The following NBEAL2 variants were observed in gnomAD, a reference collection of about 807,000 sequenced individuals.
NBEAL2 encodes neurobeachin like 2.
In NBEAL2, 160 loss-of-function variants were observed where a neutral mutation model predicts 299.8. That is an observed-to-expected ratio of 0.53 (90% CI 0.47 to 0.61). NBEAL2 has a LOEUF of 0.61. Ranked by LOEUF, NBEAL2 falls within the 20% of genes least tolerant of loss-of-function variation. The pLI, the probability that NBEAL2 is intolerant of heterozygous loss-of-function variation, is 0.00. For synonymous variants in NBEAL2, 1,493 were observed against 1,542.3 expected, an observed-to-expected ratio of 0.97 and a Z score of 0.75; for missense variants, 3,112 against 3,649.0, an observed-to-expected ratio of 0.85 and a Z score of 3.79.
In NBEAL2 at chr3:47,001,315, C is replaced by A; in HGVS notation, c.4521C>A (p.Asp1507Glu). The change falls in exon 29 of 54, where the codon GAC becomes GAA. Residue 1507 changes from aspartate (D) to glutamate (E), a missense_variant. Transcript: ENST00000450053. The surrounding 1 kb of genome is among the most constrained non-coding windows in gnomAD (Gnocchi z 6.1). ...TGATGCTGGAGTCAGCCCTGACCGA[C>A]ATCAAAGAGGCCCCCGTGGGGGTCC... ...LEMMLESALT[D>E]IKEAPVGVLA... is the part of the protein sequence containing the mutation. The A allele has an allele frequency of 1.2e-6, 2 of 1,612,870 alleles. No homozygotes were observed. The highest frequency in any genetic ancestry group is 1.7e-6 in the Non-Finnish European group (2 of 1,179,320).
intron 42 of NBEAL2, 47 bp from the exon 43 acceptor site, chr3:47,005,899 T>TG (rs766883975): frequency 1.6e-5 from 26 of 1,612,288 alleles, no homozygotes; most frequent in Admixed American, 5.0e-5. Flanking sequence ...CTGAAGATCA[T>TG]GGGGGGTCAG....
At position 47,007,175 on chromosome 3, in the gene NBEAL2, C is replaced by A. The variant is rs775648083; in HGVS notation, c.7224+20C>A. ...CTGTTGGTAAGTGCATTGTGCAGAG[C>A]CCCAGCTCAGCTCCACTCCCCCTTG... is the stretch of plus-strand genomic sequence containing the variant. On this transcript the variant is annotated intron_variant, in intron 46 of 53. Transcript: ENST00000450053. 10 of 1,612,236 alleles carry A rather than the reference C, an allele frequency of 6.2e-6. No individual in the cohort carries two copies. The South Asian group carries it at 9.9e-5, about 16-fold the overall frequency.
chr3:47,003,309 C>A lies in NBEAL2; in HGVS notation c.5720C>A (p.Pro1907Gln). The change falls in exon 35 of 54, where the codon CCG (proline) becomes CAG (glutamine). Residue 1907 changes from proline (P) to glutamine (Q), a missense_variant and splice_region_variant. By Grantham distance (76) the Pro-to-Gln change is moderately conservative. Around this residue, in one of 3 missense-constraint regions of NBEAL2, gnomAD observed 2,243 missense variants for 2,538.1 expected, o/e 0.88. Coordinates refer to ENST00000450053, the MANE Select transcript of NBEAL2 (RefSeq NM_015175.3). The surrounding 1 kb of genome is among the most constrained non-coding windows in gnomAD (Gnocchi z 7.0). ...GACGAGCTGGCTGAGCTGGAGACCC[C>A]GTGAGTGGGGCCCTGGAGAGATTGG... ...GEDELAELET[P>Q]MEAAELDEQR... The A allele has an allele frequency of 3.7e-6, 6 of 1,611,968 alleles. No individual in the cohort carries two copies. Among genetic ancestry groups the A allele is most frequent in the Non-Finnish European group, 5.1e-6 (6 of 1,179,452 alleles).
At position 47,007,256 on chromosome 3, in the gene NBEAL2, A is replaced by C. The variant is rs2037517657; in HGVS notation, c.7240A>C (p.Ser2414Arg). The change falls in exon 47 of 54, where the codon AGT becomes CGT. Residue 2414 changes from serine (S) to arginine (R), a missense_variant. Ser to Arg is a moderately radical substitution (Grantham distance 110). This residue lies in a region of NBEAL2 where 521 missense variants were observed against 729.6 expected (regional missense o/e 0.71). Transcript: ENST00000450053. The stretch of plus-strand genomic sequence containing the variant: ...CTGCCTGCAGGTGACTGTGAGTGCC[A>C]GTGGGCTGCTGGGCACCCACAGCTG... ...SPDLLVTVSA[S>R]GLLGTHSWLP... The C allele has an allele frequency of 6.2e-7, 1 of 1,612,476 alleles. No individual in the cohort carries two copies. Among genetic ancestry groups the C allele is most frequent in the Non-Finnish European group, 8.5e-7 (1 of 1,179,306 alleles).
rs781694462 is a variant in NBEAL2, at chr3:46,991,283, C to T, written c.621C>T (p.Cys207=). Reference sequence around the variant, plus strand: ...TGTTACGTCTCATCCACCTCTTCTGCGCCGTCCTCGCTGGAGGAAAGGTAG... The same window carrying T: ...TGTTACGTCTCATCCACCTCTTCTGTGCCGTCCTCGCTGGAGGAAAGGTAG... ...ILLLRLIHLF[C]AVLAGGKENG... is the part of the protein sequence containing the mutation. The change falls in exon 7 of 54, where the codon TGC becomes TGT. Residue 207 remains cysteine, a synonymous_variant. Transcript: ENST00000450053. The surrounding 1 kb of genome is among the most constrained non-coding windows in gnomAD (Gnocchi z 6.2). 13 of 1,604,444 alleles carry T rather than the reference C, an allele frequency of 8.1e-6. No individual in the cohort carries two copies. In the South Asian group the frequency reaches 1.2e-4, roughly 15 times the overall value.
rs779556467 is a variant in NBEAL2 at position 46,995,768 on chromosome 3, C to T, written c.1953C>T (p.Thr651=). The T allele has an allele frequency of 9.9e-6, 16 of 1,613,628 alleles. No homozygotes were observed. Among genetic ancestry groups the T allele is most frequent in the South Asian group, 4.4e-5 (4 of 91,088 alleles). Reference sequence around the variant, plus strand: ...AGGCCTTCTTCACGGCGGCCGGGACCCTGGTGGTGGCTGTGTGCACACGGA... The same window carrying T: ...AGGCCTTCTTCACGGCGGCCGGGACTCTGGTGGTGGCTGTGTGCACACGGA... ...GFEAFFTAAG[T]LVVAVCTRKE... is the part of the protein sequence containing the mutation. The change falls in exon 14 of 54, where the codon ACC becomes ACT. Residue 651 remains threonine (T), a synonymous_variant. Coordinates refer to ENST00000450053, the MANE Select transcript of NBEAL2 (RefSeq NM_015175.3).
Position 47,008,094 on chromosome 3 carries a change from C to G in NBEAL2, c.7627C>G (p.Pro2543Ala), listed in dbSNP as rs748393662. The change falls in exon 50 of 54, where the codon CCA becomes GCA. Residue 2543 changes from proline to alanine, a missense_variant. By Grantham distance (27) the Pro-to-Ala change is conservative (BLOSUM62 -1). This residue lies in a region of NBEAL2 where 348 missense variants were observed against 381.4 expected (regional missense o/e 0.91). Coordinates refer to ENST00000450053, the MANE Select transcript of NBEAL2 (RefSeq NM_015175.3). Reference protein sequence around the residue: ...HQGGLSVGLAPKPVQVLYGHG... With the variant: ...HQGGLSVGLAAKPVQVLYGHG... Reference sequence around the variant, plus strand: ...GGGTGGTCTGTCAGTAGGCCTGGCACCAAAGCCTGTGCAGGTCCTGTATGG... The same window carrying G: ...GGGTGGTCTGTCAGTAGGCCTGGCAGCAAAGCCTGTGCAGGTCCTGTATGG... The G allele has an allele frequency of 6.2e-7, 1 of 1,613,996 alleles. No individual in the cohort carries two copies. The highest frequency in any genetic ancestry group is 1.7e-5 in the Admixed American group (1 of 60,032).
In NBEAL2 at chr3:46,995,348, G is replaced by GC; in HGVS notation, c.1618dup (p.Arg540ProfsTer12). On this transcript the variant is annotated frameshift_variant, in exon 13 of 54. Transcript: ENST00000450053. LOFTEE classifies it high-confidence loss of function. ...CCCATGGAGCTGCGTCACCTGCTGCGCCCCCGGCCAGGATTGGACTCGGAA... is the reference window on the plus strand; with the variant it reads ...CCCATGGAGCTGCGTCACCTGCTGCGCCCCCCGGCCAGGATTGGACTCGGAA... 1 of 1,609,624 alleles carries GC rather than the reference G, an allele frequency of 6.2e-7. No homozygotes were observed. Among genetic ancestry groups the GC allele is most frequent in the Non-Finnish European group, 8.5e-7 (1 of 1,178,522 alleles).
intron 53 of NBEAL2, 42 bp from the exon 54 acceptor site, chr3:47,009,177 C>T (rs1192725797): frequency 1.3e-6 from 2 of 1,556,608 alleles, no homozygotes; most frequent in Non-Finnish European, 1.7e-6. Flanking sequence ...GGGCGTGGCG[C>T]GGCGATCCCA....
chr3:46,991,727 A>G lies in NBEAL2; in HGVS notation c.925+39A>G. 1 of 1,577,780 alleles carries G rather than the reference A, an allele frequency of 6.3e-7. No homozygotes were observed. Among genetic ancestry groups the G allele is most frequent in the Non-Finnish European group, 8.6e-7 (1 of 1,164,816 alleles). ...CCCAGGCTCTTGGGGAAGGGGCACC[A>G]TGAGGGAAAAGCCTAAGTGATGATG... is the stretch of plus-strand genomic sequence containing the variant. On this transcript the variant is annotated intron_variant, in intron 8 of 53. Coordinates refer to ENST00000450053, the MANE Select transcript of NBEAL2 (RefSeq NM_015175.3). This position sits in a 1 kb window ranked among gnomAD's most constrained non-coding sequence, Gnocchi z 6.2.
Position 46,991,076 on chromosome 3 carries a change from AGCT to A in NBEAL2, c.557-142_557-140del, listed in dbSNP as rs770614044. 10 of 705,050 alleles carry A rather than the reference AGCT, an allele frequency of 1.4e-5. No homozygotes were observed. Among genetic ancestry groups the A allele is most frequent in the Admixed American group, 2.3e-5 (1 of 43,578 alleles). 43.7% of individuals were successfully genotyped at this position (705,050 alleles called of 1,614,324 possible). On this transcript the variant is annotated intron_variant, in intron 6 of 53. Transcript: ENST00000450053. This position sits in a 1 kb window ranked among gnomAD's most constrained non-coding sequence, Gnocchi z 6.2. ...CTTAGATGCCCCCCAGGGCAGAGCC[AGCT>A]CTTATCCCTCACACTGGATCTTTTA...
intron 33 of NBEAL2, 61 bp downstream of exon 33, chr3:47,002,863 C>T (rs2037133591): frequency 1.3e-6 from 2 of 1,560,208 alleles, no homozygotes; most frequent in African/African-American, 1.3e-5. Flanking sequence ...GAGGGAGCCA[C>T]CTGGAGCCCC....
rs544415576 is a variant in NBEAL2 at position 46,996,218 on chromosome 3, G to A, written c.2152-53G>A. 5.0e-5 allele frequency: 80 copies of A among 1,594,418 alleles called. No homozygotes were observed. The East Asian group carries it at 5.4e-4, about 11-fold the overall frequency. On this transcript the variant is annotated intron_variant, in intron 15 of 53. Coordinates refer to ENST00000450053, the MANE Select transcript of NBEAL2 (RefSeq NM_015175.3). Reference sequence around the variant, plus strand: ...TCACTGTGAGGAACTGGTTGTAGGCGGAGCCCCAGGTTCTGCTGTGACCTG... The same window carrying A: ...TCACTGTGAGGAACTGGTTGTAGGCAGAGCCCCAGGTTCTGCTGTGACCTG...
In NBEAL2 at chr3:47,003,945, T is replaced by G. The variant is rs765086931; in HGVS notation, c.5850T>G (p.Asp1950Glu). 1.2e-5 allele frequency: 20 copies of G among 1,613,436 alleles called. No individual in the cohort carries two copies. The highest frequency in any genetic ancestry group is 2.7e-5 in the African/African-American group (2 of 74,802). The change falls in exon 36 of 54, where the codon GAT becomes GAG. Residue 1950 changes from aspartate (D) to glutamate (E), a missense_variant. Asp to Glu is a conservative substitution (Grantham distance 45, BLOSUM62 2). Around this residue, in one of 3 missense-constraint regions of NBEAL2, gnomAD observed 521 missense variants for 729.6 expected, o/e 0.71. Coordinates refer to ENST00000450053, the MANE Select transcript of NBEAL2 (RefSeq NM_015175.3). The surrounding 1 kb of genome is among the most constrained non-coding windows in gnomAD (Gnocchi z 7.0). Reference protein sequence around the residue: ...EVTTQNVYFYDGSTERVETEE... With the variant: ...EVTTQNVYFYEGSTERVETEE... ...CCACACAGAATGTATACTTCTACGA[T>G]GGCAGCACTGAGCGCGTGGAAACCG...
rs1214173673 is a variant in NBEAL2, at chr3:46,993,983, T to G, written c.1160T>G (p.Val387Gly). The change falls in exon 11 of 54, where the codon GTG becomes GGG. Residue 387 changes from valine to glycine, a missense_variant. This residue lies in a region of NBEAL2 where 2,243 missense variants were observed against 2,538.1 expected (regional missense o/e 0.88). Transcript: ENST00000450053. Reference sequence around the variant, plus strand: ...GCCATTGCAGTCCATGTAGTCAGAGTGCTGACCTGCATCATGAGTGACTCC... The same window carrying G: ...GCCATTGCAGTCCATGTAGTCAGAGGGCTGACCTGCATCATGAGTGACTCC... Reference protein sequence around the residue: ...TDAIAVHVVRVLTCIMSDSPS... With the variant: ...TDAIAVHVVRGLTCIMSDSPS... 1 of 1,611,868 alleles carries G rather than the reference T, an allele frequency of 6.2e-7. No homozygotes were observed. Among genetic ancestry groups the G allele is most frequent in the East Asian group, 2.2e-5 (1 of 44,856 alleles).
intron 1 of NBEAL2, among the ~76,000 whole-genome samples, chr3:46,983,165 G>A (rs2035461017): frequency 6.6e-6 from 1 of 152,060 alleles, no homozygotes; most frequent in South Asian, 2.1e-4. Flanking sequence ...CCTCAGAAGG[G>A]TTCAGGGAGG....
Position 47,009,557 on chromosome 3 carries a change from A to G in NBEAL2, c.*237A>G, listed in dbSNP as rs749818660. The G allele has an allele frequency of 7.2e-6, 4 of 553,724 alleles. No individual in the cohort carries two copies. Among genetic ancestry groups the G allele is most frequent in the South Asian group, 2.2e-5 (1 of 45,482 alleles). The allele number at this position is 553,724 out of a possible 1,614,324, so 34.3% of individuals were successfully genotyped here. On this transcript the variant is annotated 3_prime_UTR_variant, in exon 54 of 54. Coordinates refer to ENST00000450053, the MANE Select transcript of NBEAL2 (RefSeq NM_015175.3). ...GGCCAGCACTGGCGTCTGCGGCCGC[A>G]GCAGCACTTTTTGCACAGTCTGGGG...
In NBEAL2 at chr3:47,005,743, G is replaced by C; in HGVS notation, c.6697G>C (p.Asp2233His). ...PDFLENQNGFDLGCLQLTNEK... is the reference protein window; with the variant it reads ...PDFLENQNGFHLGCLQLTNEK... ...GACCCAGTCCTCTGTGCCAGGTTTT[G>C]ACCTGGGCTGTCTCCAGCTGACCAA... Residue 2233 changes from aspartate to histidine, a missense_variant, in exon 42 of 54, where the codon GAC becomes CAC. Coordinates refer to ENST00000450053, the MANE Select transcript of NBEAL2 (RefSeq NM_015175.3). 6.2e-7 allele frequency: 1 copy of C among 1,613,260 alleles called. No individual in the cohort carries two copies.
At chr3:46,993,684 T>C (rs1354504458) in intron 10 of NBEAL2, among the ~76,000 whole-genome samples, 1 of 152,138 alleles carries the variant, frequency 6.6e-6, no homozygotes, top group African/African-American at 2.4e-5. Flanking sequence ...CCACCATTAA[T>C]CTGTCCCAGT....
Sources: allele counts gnomAD v4.1 joint callset (sites outside exome capture counted in the v4.1 genomes callset), GRCh38; gene constraint gnomAD v4.1.1; regional missense constraint gnomAD v4.1.1; non-coding constraint Gnocchi (gnomAD v3.1); transcripts MANE v1.5; gene names NCBI Gene and HGNC (gene_info 2026-07-23, HGNC 2026-07-21).